Variants in BIRC6 observed in about 807,000 individuals in gnomAD.
The protein encoded by BIRC6 is baculoviral IAP repeat containing 6, also known as dual E2 ubiquitin-conjugating enzyme/E3 ubiquitin-protein ligase BIRC6.
A neutral mutation model predicts 503.3 loss-of-function variants in BIRC6; 98 were observed. That is an observed-to-expected ratio of 0.19 (90% CI 0.17 to 0.23). The LOEUF is 0.23. BIRC6 is among the 10% of genes least tolerant of loss of function. BIRC6 has a pLI of 1.00. For synonymous variants in BIRC6, 2,240 were observed against 2,078.7 expected, an observed-to-expected ratio of 1.08 and a Z score of -2.11; for missense variants, 5,360 against 5,806.0, an observed-to-expected ratio of 0.92 and a Z score of 2.50.
chr2:32,437,079 G>A (rs1019615564), intron 15 of BIRC6, among the ~76,000 whole-genome samples: 1 of 151,620 alleles, frequency 6.6e-6, no homozygotes, highest in Non-Finnish European at 1.5e-5. Flanking sequence ...TAGTGGAGGC[G>A]GGGTTTCATC....
At chr2:32,449,691 A>G (rs1004913386) in intron 22 of BIRC6, among the ~76,000 whole-genome samples, 8 of 152,352 alleles carry the variant, frequency 5.3e-5, no homozygotes, top group Non-Finnish European at 7.3e-5. Flanking sequence ...AAGCAAAATT[A>G]AAAAGATCAA....
intron 72 of BIRC6, among the ~76,000 whole-genome samples, chr2:32,610,250 T>G (rs2062773459): frequency 6.6e-6 from 1 of 152,218 alleles, no homozygotes; most frequent in Non-Finnish European, 1.5e-5. Context: ...TGGGCAATGC[T>G]CAACCAGAAT....
At chr2:32,483,397 A>AT (rs1247954030) in intron 39 of BIRC6, among the ~76,000 whole-genome samples, 3 of 152,192 alleles carry the variant, frequency 2.0e-5, no homozygotes, top group Non-Finnish European at 1.5e-5. Context: ...CTCTAGAACC[A>AT]TTTGAGAGTA....
In BIRC6 at chr2:32,561,524, G is replaced by A. The variant is rs181158732; in HGVS notation, c.13144+12043G>A. On this transcript the variant is annotated intron_variant, in intron 65 of 73. Coordinates refer to ENST00000421745, the MANE Select transcript of BIRC6 (RefSeq NM_016252.4). ...CAAATATCTGGGATTACAGGCATGA[G>A]CCACTGTGCCCGCTCATGAGTGATA... Among the ~76,000 whole-genome samples, 45 of 151,932 alleles carry A rather than the reference G, an allele frequency of 3.0e-4. No homozygotes were observed. In the South Asian group the frequency reaches 6.4e-3, roughly 22 times the overall value.
chr2:32,415,490 A>G lies in BIRC6; in HGVS notation c.2199A>G (p.Ile733Met). The change falls in exon 10 of 74, where the codon ATA (isoleucine) becomes ATG (methionine). Residue 733 changes from isoleucine (I) to methionine (M), a missense_variant. Physicochemically the swap from Ile to Met is conservative, Grantham distance 10. This residue lies in a region of BIRC6 where 700 missense variants were observed against 739.3 expected (regional missense o/e 0.95). Transcript: ENST00000421745. ...PKFAEEENLC[I>M]DSITPCADGI... ...TTGCAGAGGAGGAGAATCTTTGTAT[A>G]GACTCAATAACTCCTTGTGCTGACG... 1 of 1,614,072 alleles carries G rather than the reference A, an allele frequency of 6.2e-7. No individual in the cohort carries two copies. The highest frequency in any genetic ancestry group is 8.5e-7 in the Non-Finnish European group (1 of 1,179,908).
intron 65 of BIRC6, among the ~76,000 whole-genome samples, chr2:32,555,308 G>A (rs2058696741): frequency 6.6e-6 from 1 of 152,054 alleles, no homozygotes; most frequent in African/African-American, 2.4e-5. Context: ...ACGAGTTTGA[G>A]ATCAGCCTTG....
At chr2:32,571,624 A>G (rs1429922747) in intron 65 of BIRC6, among the ~76,000 whole-genome samples, 1 of 151,460 alleles carries the variant, frequency 6.6e-6, no homozygotes, top group East Asian at 1.9e-4. Context: ...GATTCTGTTT[A>G]TTTGGATCTT....
At chr2:32,525,412 C>G in intron 58 of BIRC6, 52 bp from the exon 59 acceptor site, 3 of 1,585,976 alleles carry the variant, frequency 1.9e-6, no homozygotes, top group Admixed American at 1.7e-5. Context: ...CACTGTTTTC[C>G]TTCATATTAG....
At chr2:32,427,742 G>A (rs2043686967) in intron 10 of BIRC6, among the ~76,000 whole-genome samples, 1 of 151,296 alleles carries the variant, frequency 6.6e-6, no homozygotes, top group Non-Finnish European at 1.5e-5. Context: ...ATTTTCAGGT[G>A]TGTGTGTGTG....
At chr2:32,526,830 A>T (rs2056314721) in intron 59 of BIRC6, 3 of 152,656 alleles carry the variant, frequency 2.0e-5, no homozygotes, top group African/African-American at 7.2e-5. Context: ...GCAGAAGTTT[A>T]AGAGAAGATA....
At chr2:32,491,681 TAAA>T (rs1191050939) in intron 44 of BIRC6, 123 bp downstream of exon 44, 5 of 1,063,674 alleles carry the variant, frequency 4.7e-6, no homozygotes, top group Non-Finnish European at 6.5e-6. Flanking sequence ...ATCAATATAA[TAAA>T]AAAGGTTTTG....
chr2:32,533,784 C>T (rs1198371723), intron 61 of BIRC6, among the ~76,000 whole-genome samples: 1 of 152,176 alleles, frequency 6.6e-6, no homozygotes, highest in Non-Finnish European at 1.5e-5. Flanking sequence ...ACTGTTATTT[C>T]CTAAGAGCCT....
rs777405739 is a variant in BIRC6 at position 32,525,525 on chromosome 2, G to A, written c.11817G>A (p.Arg3939=). The change falls in exon 59 of 74, where the codon AGG becomes AGA. Residue 3939 remains arginine (R), a synonymous_variant. Coordinates refer to ENST00000421745, the MANE Select transcript of BIRC6 (RefSeq NM_016252.4). ...CACCACCTCGCCCACCATCCAGGAGGGGGAGGACAATACCTGATAAAATAG... is the reference window on the plus strand; with the variant it reads ...CACCACCTCGCCCACCATCCAGGAGAGGGAGGACAATACCTGATAAAATAG... The part of the protein sequence containing the change: ...SATPPRPPSR[R]GRTIPDKIGS... The A allele has an allele frequency of 2.5e-6, 4 of 1,613,826 alleles. No individual in the cohort carries two copies. Among genetic ancestry groups the A allele is most frequent in the South Asian group, 1.1e-5 (1 of 91,082 alleles).
chr2:32,573,025 A>G (rs552723123), intron 65 of BIRC6, among the ~76,000 whole-genome samples: 33 of 152,156 alleles, frequency 2.2e-4, no homozygotes, highest in Non-Finnish European at 4.4e-4. Context: ...GACTCCCACA[A>G]TTCTCCTCCC....
intron 62 of BIRC6, among the ~76,000 whole-genome samples, chr2:32,544,512 A>T (rs2057914467): frequency 1.4e-5 from 2 of 144,274 alleles, no homozygotes; most frequent in Non-Finnish European, 1.5e-5. Context: ...TTGCATTTTC[A>T]CTTACTATTT....
At chr2:32,412,437 C>T (rs2041983962) in intron 9 of BIRC6, among the ~76,000 whole-genome samples, 1 of 151,428 alleles carries the variant, frequency 6.6e-6, no homozygotes, top group Non-Finnish European at 1.5e-5. Flanking sequence ...GCAGAGGTTG[C>T]AATGAGCTGA....
In BIRC6 at chr2:32,448,920, T is replaced by A; in HGVS notation, c.4610T>A (p.Val1537Asp). The part of the protein sequence containing the change: ...VQSDEIDLSD[V>D]LSGNGKVSSC... The stretch of plus-strand genomic sequence containing the variant: ...TCAGATGAAATTGATTTATCAGATG[T>A]CCTTTCAGGTAGTGATTTCTTTTAT... Residue 1537 changes from valine (V) to aspartate (D), a missense_variant, in exon 22 of 74, where the codon GTC (valine) becomes GAC (aspartate). Coordinates refer to ENST00000421745, the MANE Select transcript of BIRC6 (RefSeq NM_016252.4). 1 of 1,609,354 alleles carries A rather than the reference T, an allele frequency of 6.2e-7. No homozygotes were observed. The highest frequency in any genetic ancestry group is 8.5e-7 in the Non-Finnish European group (1 of 1,178,662).
In BIRC6 at chr2:32,430,992, A is replaced by G. The variant is rs190677687; in HGVS notation, c.3150A>G (p.Gln1050=). The part of the protein sequence containing the change: ...ATVPPCWVEV[Q]QEQQQRRHPQ... Reference sequence around the variant, plus strand: ...TTCCTCCATGCTGGGTAGAAGTTCAACAAGAACAGCAGCAAAGGAGGCATC... The same window carrying G: ...TTCCTCCATGCTGGGTAGAAGTTCAGCAAGAACAGCAGCAAAGGAGGCATC... The change falls in exon 12 of 74, where the codon CAA becomes CAG. Residue 1050 remains glutamine, a synonymous_variant. Transcript: ENST00000421745. 1.4e-4 allele frequency: 226 copies of G among 1,613,164 alleles called. 2 individuals carry two copies. The East Asian group carries it at 4.9e-3, about 35-fold the overall frequency.
At chr2:32,539,140 A>C (rs2057462055) in intron 61 of BIRC6, among the ~76,000 whole-genome samples, 1 of 152,224 alleles carries the variant, frequency 6.6e-6, no homozygotes, top group Non-Finnish European at 1.5e-5. Flanking sequence ...ATCACTATGA[A>C]AGTATTAATT....
Sources: gnomAD v4.1 joint callset for allele counts (sites outside exome capture counted in the v4.1 genomes callset) on GRCh38, gnomAD v4.1.1 for gene constraint, gnomAD v4.1.1 regional missense constraint, MANE v1.5 for transcripts, NCBI Gene and HGNC (gene_info 2026-07-23, HGNC 2026-07-21) for gene names.